WNT11: variants seen among roughly 807,000 people sequenced by gnomAD.
WNT11 encodes the protein Wnt family member 11, also known as protein Wnt-11.
In WNT11, 20 loss-of-function variants were observed where a neutral mutation model predicts 35.6. The observed-to-expected ratio is 0.56, with a 90% CI of 0.40 to 0.82. The LOEUF (loss-of-function observed/expected upper bound fraction) is 0.82, where lower values mean the gene tolerates loss of function less well. WNT11 is among the 40% of genes least tolerant of loss of function. The probability of loss-of-function intolerance (pLI) is 0.00; values close to 1 mark genes in which losing one functional copy is unlikely to be tolerated. For missense variants in WNT11, 459 were observed against 504.4 expected, an observed-to-expected ratio of 0.91 and a Z score of 0.86; for synonymous variants, 200 against 211.9, an observed-to-expected ratio of 0.94 and a Z score of 0.49.
At chr11:76,193,531 A>G (rs1953220368) in intron 3 of WNT11, among the ~76,000 whole-genome samples, 1 of 152,214 alleles carries the variant, frequency 6.6e-6, no homozygotes. Context: ...AGGAGTCCTG[A>G]GTCCCTGGCC....
intron 1 of WNT11, among the ~76,000 whole-genome samples, chr11:76,204,809 T>C (rs1953445750): frequency 6.6e-6 from 1 of 152,010 alleles, no homozygotes; most frequent in Non-Finnish European, 1.5e-5. Context: ...GTTCCCACTG[T>C]GGAGCAGGGA....
At chr11:76,205,729 G>A (rs949455508) in intron 1 of WNT11, among the ~76,000 whole-genome samples, 11 of 152,174 alleles carry the variant, frequency 7.2e-5, no homozygotes, top group African/African-American at 2.7e-4. Flanking sequence ...ACCCCTGCGT[G>A]AATAATTTCT....
intron 2 of WNT11, chr11:76,195,117 G>A: frequency 2.1e-6 from 1 of 478,904 alleles, no homozygotes; most frequent in South Asian, 4.5e-5. Flanking sequence ...CACTTGCCCT[G>A]CACTGGCATT....
At chr11:76,189,351 T>C (rs1055498936) in intron 4 of WNT11, among the ~76,000 whole-genome samples, 7 of 151,778 alleles carry the variant, frequency 4.6e-5, no homozygotes, top group African/African-American at 9.7e-5. Context: ...AGTGGGGCCA[T>C]AGGCCCAGGG....
At chr11:76,203,879 C>T (rs1168870105) in intron 1 of WNT11, among the ~76,000 whole-genome samples, 9 of 152,240 alleles carry the variant, frequency 5.9e-5, no homozygotes, top group African/African-American at 1.7e-4. Flanking sequence ...TGTGCTGGGG[C>T]TCCCTGTGCC....
At chr11:76,200,352 C>G (rs568761578) in intron 1 of WNT11, among the ~76,000 whole-genome samples, 1 of 152,326 alleles carries the variant, frequency 6.6e-6, no homozygotes, top group South Asian at 2.1e-4. Flanking sequence ...TCTTGGGGAA[C>G]CTGTTGCTGA....
At position 76,194,438 on chromosome 11, in the gene WNT11, G is replaced by A. The variant is rs1334398368; in HGVS notation, c.597+129C>T. 2.1e-5 allele frequency: 23 copies of A among 1,113,768 alleles called. No individual in the cohort carries two copies. Among genetic ancestry groups the A allele is most frequent in the South Asian group, 3.3e-5 (2 of 61,276 alleles). 69.0% of individuals were successfully genotyped at this position (1,113,768 alleles called of 1,614,324 possible). ...AGGGCTGAGGATGAGGATGGTGCGA[G>A]GCACATCAGGTGTGGGCCAGTCAGG... On this transcript the variant is annotated intron_variant, in intron 3 of 4. Transcript: ENST00000322563. This position sits in a 1 kb window ranked among gnomAD's most constrained non-coding sequence, Gnocchi z 5.4.
chr11:76,203,986 C>T (rs542641223), intron 1 of WNT11, among the ~76,000 whole-genome samples: 1 of 152,334 alleles, frequency 6.6e-6, no homozygotes, highest in African/African-American at 2.4e-5. Flanking sequence ...TCTCTGTGTG[C>T]CCCAGTCTCT....
In WNT11 at chr11:76,187,088, C is replaced by T. The variant is rs755755807; in HGVS notation, c.1042G>A (p.Val348Met). 1.7e-5 allele frequency: 27 copies of T among 1,611,578 alleles called. No homozygotes were observed. The highest frequency in any genetic ancestry group is 6.6e-5 in the South Asian group (6 of 91,086). Residue 348 changes from valine to methionine, a missense_variant, in exon 5 of 5, where the codon GTG becomes ATG. Coordinates refer to ENST00000322563, the MANE Select transcript of WNT11 (RefSeq NM_004626.3). ...CCTCACTTGCAGACATAGCGCTCCA[C>T]GGTACGCTCACACCTGCGGCAGGTG... The part of the protein sequence containing the change: ...YVTCRRCERT[V>M]ERYVCK
At chr11:76,193,259 C>T (rs2134575055) in intron 3 of WNT11, among the ~76,000 whole-genome samples, 1 of 152,368 alleles carries the variant, frequency 6.6e-6, no homozygotes, top group Non-Finnish European at 1.5e-5. Flanking sequence ...CTGCACCTTG[C>T]AGGGACACTG....
rs115907688 is a variant in WNT11, at chr11:76,196,303, T to G, written c.319+180A>C. On this transcript the variant is annotated intron_variant, in intron 2 of 4. Coordinates refer to ENST00000322563, the MANE Select transcript of WNT11 (RefSeq NM_004626.3). ...GTGAATTCATGCCTGCACACCCATA[T>G]TTATGATTAATTCATCCACCCATAC... Among the ~76,000 whole-genome samples, 1,215 of 152,280 alleles carry G rather than the reference T, an allele frequency of 8.0e-3. 18 individuals carry two copies. Among genetic ancestry groups the G allele is most frequent in the African/African-American group, 0.028 (1,170 of 41,548 alleles).
upstream of WNT11, chr11:76,206,891 A>G: frequency 6.5e-6 from 1 of 153,412 alleles, no homozygotes; most frequent in Non-Finnish European, 1.5e-5. Context: ...CGGAAAGGAG[A>G]GGAATGAGGA....
At chr11:76,210,567 C>T, upstream of WNT11, 5 of 985,208 alleles carry the variant, frequency 5.1e-6, no homozygotes, top group South Asian at 4.7e-5. Flanking sequence ...CGTGCGCACT[C>T]CGGCTGGGCG....
At chr11:76,193,774 C>T (rs1413784756) in intron 3 of WNT11, among the ~76,000 whole-genome samples, 6 of 152,170 alleles carry the variant, frequency 3.9e-5, no homozygotes, top group African/African-American at 1.4e-4. Context: ...CTAAAGGGTG[C>T]AGGGAGGAGC....
Position 76,194,992 on chromosome 11 carries a change from G to T in WNT11, c.320-148C>A. On this transcript the variant is annotated intron_variant, in intron 2 of 4. Coordinates refer to ENST00000322563, the MANE Select transcript of WNT11 (RefSeq NM_004626.3). The surrounding 1 kb of genome is among the most constrained non-coding windows in gnomAD (Gnocchi z 5.4). ...CTAGGGCCATTGAGATGTCACCCCT[G>T]CTTCCCCAATTCCTTCTGAATATAC... The T allele has an allele frequency of 1.0e-6, 1 of 984,468 alleles. No homozygotes were observed. Among genetic ancestry groups the T allele is most frequent in the Non-Finnish European group, 1.4e-6 (1 of 693,348 alleles). 61.0% of individuals were successfully genotyped at this position (984,468 alleles called of 1,614,324 possible).
chr11:76,205,855 AGAG>A (rs1465922861), intron 1 of WNT11, among the ~76,000 whole-genome samples: 1 of 152,180 alleles, frequency 6.6e-6, no homozygotes, highest in Non-Finnish European at 1.5e-5. Context: ...CTCCCGTGAC[AGAG>A]GAGGACAAGG....
upstream of WNT11, chr11:76,210,548 C>T (rs2134620857): frequency 1.0e-6 from 1 of 985,272 alleles, no homozygotes; most frequent in African/African-American, 1.7e-5. Flanking sequence ...GTGCGGTTTC[C>T]AGCGGGCCCG....
chr11:76,209,149 C>T (rs1953519858), upstream of WNT11, among the ~76,000 whole-genome samples: 1 of 152,158 alleles, frequency 6.6e-6, no homozygotes, highest in Admixed American at 6.5e-5. Context: ...ACCTGCCCGG[C>T]CCCTTGCTTG....
chr11:76,192,580 A>G (rs538609267), intron 3 of WNT11, among the ~76,000 whole-genome samples: 3 of 152,398 alleles, frequency 2.0e-5, no homozygotes, highest in East Asian at 3.9e-4. Context: ...ATGAGATCAC[A>G]CACACAAAAG....
Sources: gnomAD v4.1 joint callset for allele counts (sites outside exome capture counted in the v4.1 genomes callset) on GRCh38, gnomAD v4.1.1 for gene constraint, Gnocchi (gnomAD v3.1) non-coding constraint, MANE v1.5 for transcripts, NCBI Gene and HGNC (gene_info 2026-07-23, HGNC 2026-07-21) for gene names.